Variants in BMP4 observed in about 807,000 individuals in gnomAD.
BMP4 encodes the protein bone morphogenetic protein 2B.
A neutral mutation model predicts 29.6 loss-of-function variants in BMP4; 3 were observed. The ratio of observed to expected loss-of-function variants is 0.10; its 90% CI spans 0.05 to 0.26. BMP4 has a LOEUF of 0.26. Ranked by LOEUF, BMP4 falls within the 10% of genes least tolerant of loss-of-function variation. The pLI, the probability that BMP4 is intolerant of heterozygous loss-of-function variation, is 1.00. For missense variants in BMP4, 455 were observed against 550.2 expected, an observed-to-expected ratio of 0.83 and a Z score of 1.73; for synonymous variants, 197 against 213.2, an observed-to-expected ratio of 0.92 and a Z score of 0.66.
In BMP4 at chr14:53,952,162, C is replaced by T. The variant is rs1377054583; in HGVS notation, c.61G>A (p.Ala21Thr). The T allele has an allele frequency of 6.2e-7, 1 of 1,614,070 alleles. No individual in the cohort carries two copies. Reference protein sequence around the residue: ...VLLCQVLLGGASHASLIPETG... With the variant: ...VLLCQVLLGGTSHASLIPETG... The stretch of plus-strand genomic sequence containing the variant: ...TCAGGTATCAAACTAGCATGGCTCG[C>T]GCCTCCTAGCAGGACTTGGCATAAT... The change falls in exon 3 of 4, where the codon GCG becomes ACG. Residue 21 changes from alanine to threonine, a missense_variant. Physicochemically the swap from Ala to Thr is moderately conservative, Grantham distance 58. This residue lies in a region of BMP4 where 249 missense variants were observed against 284.6 expected (regional missense o/e 0.87). Coordinates refer to ENST00000245451, the MANE Select transcript of BMP4 (RefSeq NM_001202.6).
At chr14:53,952,842 T>C (rs1465502139) in intron 2 of BMP4, among the ~76,000 whole-genome samples, 2 of 152,118 alleles carry the variant, frequency 1.3e-5, no homozygotes, top group Non-Finnish European at 1.5e-5. Context: ...GTTTGAAATA[T>C]TCAGCCAAAA....
At position 53,952,177 on chromosome 14, in the gene BMP4, C is replaced by T; in HGVS notation, c.46G>A (p.Val16Ile). Reference sequence around the variant, plus strand: ...GCATGGCTCGCGCCTCCTAGCAGGACTTGGCATAATAAAACGACCATCAGC... The same window carrying T: ...GCATGGCTCGCGCCTCCTAGCAGGATTTGGCATAATAAAACGACCATCAGC... ...RMLMVVLLCQVLLGGASHASL... is the reference protein window; with the variant it reads ...RMLMVVLLCQILLGGASHASL... Residue 16 changes from valine (V) to isoleucine (I), a missense_variant, in exon 3 of 4, where the codon GTC (valine) becomes ATC (isoleucine). Transcript: ENST00000245451. The T allele has an allele frequency of 1.2e-6, 2 of 1,614,090 alleles. No homozygotes were observed. Among genetic ancestry groups the T allele is most frequent in the East Asian group, 2.2e-5 (1 of 44,874 alleles).
intron 2 of BMP4, among the ~76,000 whole-genome samples, chr14:53,952,796 G>A (rs532509128): frequency 6.6e-6 from 1 of 152,260 alleles, no homozygotes; most frequent in Non-Finnish European, 1.5e-5. Context: ...GGAGCTAACC[G>A]GGTGGCTTGA....
At position 53,951,693 on chromosome 14, in the gene BMP4, G is replaced by A. The variant is rs2071047; in HGVS notation, c.370+160C>T. On this transcript the variant is annotated intron_variant, in intron 3 of 3. Coordinates refer to ENST00000245451, the MANE Select transcript of BMP4 (RefSeq NM_001202.6). The stretch of plus-strand genomic sequence containing the variant: ...CCCTCTGTCTCCAAAAAATAAGTTC[G>A]GCGGCAGCTCTGCAAATTCTTGGAG... The A allele has an allele frequency of 0.41, 484,213 of 1,171,306 alleles. 101,245 individuals are homozygous for A. The highest frequency in any genetic ancestry group is 0.49 in the Middle Eastern group (1,651 of 3,336). 72.6% of individuals were successfully genotyped at this position (1,171,306 alleles called of 1,614,324 possible). A position where few individuals can be genotyped will look rare whatever the true frequency, so the allele number is the denominator to read the frequency against.
rs1487622070 is a variant in BMP4 at position 53,953,420 on chromosome 14, A to G, written c.-132-20T>C. The G allele has an allele frequency of 7.5e-6, 3 of 398,866 alleles. No individual in the cohort carries two copies. Among genetic ancestry groups the G allele is most frequent in the African/African-American group, 6.2e-5 (3 of 48,630 alleles). The allele number at this position is 398,866 out of a possible 1,614,324, so 24.7% of individuals were successfully genotyped here. On this transcript the variant is annotated intron_variant, in intron 1 of 3. Transcript: ENST00000245451. ...TGGCTCCTAAAAGGAATATTTGAAT[A>G]TAATGAGACTCCACCGCAGACAGGC...
upstream of BMP4, chr14:53,956,846 C>A: frequency 2.5e-6 from 1 of 396,526 alleles, no homozygotes; most frequent in Non-Finnish European, 4.4e-6. Context: ...TTCCCTCCCT[C>A]GCTTTCTTTC....
At chr14:53,953,646 C>A (rs989354718) in intron 1 of BMP4, among the ~76,000 whole-genome samples, 1 of 151,836 alleles carries the variant, frequency 6.6e-6, no homozygotes, top group Non-Finnish European at 1.5e-5. Context: ...CTCGGCAGAG[C>A]CCTCGGCCGG....
chr14:53,949,882 CCTTTTTTTT>C lies in BMP4; in HGVS notation c.*141_*149del. The C allele has an allele frequency of 3.4e-6, 2 of 590,290 alleles. No individual in the cohort carries two copies. The highest frequency in any genetic ancestry group is 2.7e-6 in the Non-Finnish European group (1 of 373,074). 36.6% of individuals were successfully genotyped at this position (590,290 alleles called of 1,614,324 possible). A position where few individuals can be genotyped will look rare whatever the true frequency, so the allele number is the denominator to read the frequency against. ...CAAGGTGAATGTTTAGGGATTTTTT[CCTTTTTTTT>C]TTTTTTTTTTAAATAAAAGTCCAGC... On this transcript the variant is annotated 3_prime_UTR_variant, in exon 4 of 4. Transcript: ENST00000245451.
intron 3 of BMP4, among the ~76,000 whole-genome samples, chr14:53,951,232 T>C (rs1305170880): frequency 2.0e-5 from 3 of 152,276 alleles, no homozygotes; most frequent in Admixed American, 2.0e-4. Context: ...TCCACAGTTT[T>C]CTTTACAAGT....
Position 53,949,768 on chromosome 14 carries a change from T to G in BMP4, c.*264A>C. 1 of 371,942 alleles carries G rather than the reference T, an allele frequency of 2.7e-6. No homozygotes were observed. The highest frequency in any genetic ancestry group is 4.8e-6 in the Non-Finnish European group (1 of 207,944). 23.0% of individuals were successfully genotyped at this position (371,942 alleles called of 1,614,324 possible). The stretch of plus-strand genomic sequence containing the variant: ...TTAAAATAATGACTCATTTTATTTT[T>G]TTCTTTTAATACGTAGTTATAAATA... On this transcript the variant is annotated 3_prime_UTR_variant, in exon 4 of 4. Coordinates refer to ENST00000245451, the MANE Select transcript of BMP4 (RefSeq NM_001202.6).
chr14:53,953,499 G>A (rs541144926), intron 1 of BMP4, 99 bp from the exon 2 acceptor site: 3 of 395,158 alleles, frequency 7.6e-6, no homozygotes, highest in Non-Finnish European at 1.3e-5. Flanking sequence ...CCCCTCCCGC[G>A]GCAGGCGGCG....
At chr14:53,956,843 C>G (rs1050691235), upstream of BMP4, 1 of 397,242 alleles carries the variant, frequency 2.5e-6, no homozygotes, top group Non-Finnish European at 4.4e-6. Flanking sequence ...TCTTTCCCTC[C>G]CTCGCTTTCT....
In BMP4 at chr14:53,950,927, T is replaced by C. The variant is rs763585292; in HGVS notation, c.371-39A>G. ...GGAAGGAAGGGGAAAAGAAAAAGCA[T>C]ATGAACTTTTTTCAAAGATGGAAGA... is the stretch of plus-strand genomic sequence containing the variant. On this transcript the variant is annotated intron_variant, in intron 3 of 3. Coordinates refer to ENST00000245451, the MANE Select transcript of BMP4 (RefSeq NM_001202.6). The surrounding 1 kb of genome is among the most constrained non-coding windows in gnomAD (Gnocchi z 5.4). 119 of 1,598,222 alleles carry C rather than the reference T, an allele frequency of 7.4e-5. No individual in the cohort carries two copies. Among genetic ancestry groups the C allele is most frequent in the Non-Finnish European group, 9.6e-5 (113 of 1,179,728 alleles).
rs528804408 is a variant in BMP4, at chr14:53,955,156, T to A, written c.-133+1394A>T. On this transcript the variant is annotated intron_variant, in intron 1 of 3. Coordinates refer to ENST00000245451, the MANE Select transcript of BMP4 (RefSeq NM_001202.6). The surrounding 1 kb of genome is among the most constrained non-coding windows in gnomAD (Gnocchi z 4.0). The stretch of plus-strand genomic sequence containing the variant: ...AAAGGGTTGGGAAGAGCAAAGGGTT[T>A]TTTTGTTTTGTTTTGAGACGCAGAA... Among the ~76,000 whole-genome samples the A allele has an allele frequency of 1.3e-5, 2 of 152,212 alleles. No homozygotes were observed. Among genetic ancestry groups the A allele is most frequent in the South Asian group, 4.2e-4 (2 of 4,812 alleles).
chr14:53,952,620 C>A (rs1025869618), intron 2 of BMP4, among the ~76,000 whole-genome samples: 1 of 152,090 alleles, frequency 6.6e-6, no homozygotes, highest in Non-Finnish European at 1.5e-5. Context: ...ATTAAAATGG[C>A]ATTGCTCTCC....
intron 3 of BMP4, chr14:53,951,650 C>G (rs1392519313): frequency 1.3e-6 from 1 of 777,382 alleles, no homozygotes; most frequent in Admixed American, 2.6e-5. Context: ...TGTCATTCCC[C>G]TTCCCCTGAA....
At position 53,951,885 on chromosome 14, in the gene BMP4, C is replaced by G. The variant is rs549252141; in HGVS notation, c.338G>C (p.Arg113Pro). 5 of 1,600,184 alleles carry G rather than the reference C, an allele frequency of 3.1e-6. No individual in the cohort carries two copies. In the African/African-American group the frequency reaches 6.7e-5, roughly 21 times the overall value. The change falls in exon 3 of 4, where the codon CGG becomes CCG. Residue 113 changes from arginine to proline, a missense_variant. This residue lies in a region of BMP4 where 249 missense variants were observed against 284.6 expected (regional missense o/e 0.87). Coordinates refer to ENST00000245451, the MANE Select transcript of BMP4 (RefSeq NM_001202.6). ...GLEYPERPAS[R>P]ANTVRSFHHE... Reference sequence around the variant, plus strand: ...GTGGAAGCTCCTCACGGTGTTGGCCCGGCTGGCCGGGCGCTCAGGATACTC... The same window carrying G: ...GTGGAAGCTCCTCACGGTGTTGGCCGGGCTGGCCGGGCGCTCAGGATACTC...
Position 53,954,362 on chromosome 14 carries a change from A to C in BMP4, c.-132-962T>G, listed in dbSNP as rs1358297093. On this transcript the variant is annotated intron_variant, in intron 1 of 3. Coordinates refer to ENST00000245451, the MANE Select transcript of BMP4 (RefSeq NM_001202.6). The surrounding 1 kb of genome is among the most constrained non-coding windows in gnomAD (Gnocchi z 4.8). ...GCAGAAAGGACGCATCACAGTTTTCAGATCTTAATGTGGCCGAGGTTTTAC... is the reference window on the plus strand; with the variant it reads ...GCAGAAAGGACGCATCACAGTTTTCCGATCTTAATGTGGCCGAGGTTTTAC... 6.6e-6 allele frequency: 1 copy of C among 152,154 alleles called. No individual in the cohort carries two copies. The highest frequency in any genetic ancestry group is 1.5e-5 in the Non-Finnish European group (1 of 68,046). The allele number at this position is 152,154 out of a possible 1,614,324, so 9.4% of individuals were successfully genotyped here.
upstream of BMP4, chr14:53,956,843 C>T: frequency 2.5e-6 from 1 of 397,242 alleles, no homozygotes; most frequent in Non-Finnish European, 4.4e-6. Flanking sequence ...TCTTTCCCTC[C>T]CTCGCTTTCT....
Sources: allele counts gnomAD v4.1 joint callset (sites outside exome capture counted in the v4.1 genomes callset), GRCh38; gene constraint gnomAD v4.1.1; regional missense constraint gnomAD v4.1.1; non-coding constraint Gnocchi (gnomAD v3.1); transcripts MANE v1.5; gene names NCBI Gene and HGNC (gene_info 2026-07-23, HGNC 2026-07-21).